The following MARCHF1 variants were observed in gnomAD, a reference collection of about 807,000 sequenced individuals.
MARCHF1 encodes E3 ubiquitin-protein ligase MARCHF1.
MARCHF1 carries 40 observed loss-of-function variants against 54.2 expected under a neutral mutation model. The ratio of observed to expected loss-of-function variants is 0.74; its 90% CI spans 0.57 to 0.96. MARCHF1 has a LOEUF of 0.96. Among genes scored for constraint, MARCHF1 ranks in the 40% least tolerant of loss-of-function variants. MARCHF1 has a pLI of 0.00. For missense variants in MARCHF1, 586 were observed against 656.5 expected (o/e 0.89, Z 1.17); for synonymous variants, 236 against 236.3 (o/e 1.00, Z 0.01).
intron 1 of MARCHF1, among the ~76,000 whole-genome samples, chr4:164,357,860 T>A (rs1369918204): frequency 6.6e-6 from 1 of 152,062 alleles, no homozygotes; most frequent in African/African-American, 2.4e-5. Flanking sequence ...TAAGAAATAA[T>A]TTTTCCCTAA....
chr4:164,029,895 CA>C (rs1262793342), intron 2 of MARCHF1, among the ~76,000 whole-genome samples: 1 of 152,154 alleles, frequency 6.6e-6, no homozygotes, highest in African/African-American at 2.4e-5. Context: ...ATACCCGGCC[CA>C]GGATTTTAGC....
chr4:163,839,651 A>T (rs1334130844), intron 4 of MARCHF1, among the ~76,000 whole-genome samples: 1 of 152,140 alleles, frequency 6.6e-6, no homozygotes, highest in Non-Finnish European at 1.5e-5. Flanking sequence ...TAGATTAGAC[A>T]CATCTACAGA....
chr4:164,310,964 C>T (rs550192813), intron 1 of MARCHF1, among the ~76,000 whole-genome samples: 22 of 152,218 alleles, frequency 1.4e-4, no homozygotes, highest in East Asian at 9.7e-4. Context: ...ATTGTGTGCT[C>T]CAACTTGCCA....
At chr4:163,975,317 A>G (rs939568201) in intron 3 of MARCHF1, among the ~76,000 whole-genome samples, 2 of 152,062 alleles carry the variant, frequency 1.3e-5, no homozygotes, top group African/African-American at 4.8e-5. Flanking sequence ...AAGAGTGAGC[A>G]TTGTTAATAG....
chr4:163,584,944 A>G (rs1268212588), intron 8 of MARCHF1: 1 of 152,232 alleles, frequency 6.6e-6, no homozygotes, highest in Non-Finnish European at 1.5e-5. Flanking sequence ...CAGTTAGGCA[A>G]AAAGATAAAT....
chr4:164,001,591 T>A (rs543423062), intron 2 of MARCHF1, among the ~76,000 whole-genome samples: 1 of 152,006 alleles, frequency 6.6e-6, no homozygotes, highest in East Asian at 1.9e-4. Context: ...ACATGATTCC[T>A]GAAAGTGGGA....
chr4:163,740,728 A>G (rs1746169438), intron 4 of MARCHF1, among the ~76,000 whole-genome samples: 1 of 152,258 alleles, frequency 6.6e-6, no homozygotes, highest in South Asian at 2.1e-4. Context: ...GCAGGAATGT[A>G]AAAGATTCAT....
At chr4:163,776,602 T>C (rs1747312294) in intron 4 of MARCHF1, among the ~76,000 whole-genome samples, 1 of 152,140 alleles carries the variant, frequency 6.6e-6, no homozygotes, top group Admixed American at 6.6e-5. Flanking sequence ...ATATACAAGA[T>C]AGTAATACTT....
chr4:163,933,012 A>G, intron 3 of MARCHF1: 1 of 1,152,284 alleles, frequency 8.7e-7, no homozygotes. Context: ...CACACATCCA[A>G]TCTGCCTGGG....
At chr4:164,261,341 A>G (rs191339509) in intron 1 of MARCHF1, among the ~76,000 whole-genome samples, 1 of 152,244 alleles carries the variant, frequency 6.6e-6, no homozygotes, top group Admixed American at 6.5e-5. Flanking sequence ...CAATTTCCAT[A>G]TGAAGAAACT....
At chr4:164,350,621 T>C (rs1423942209) in intron 1 of MARCHF1, among the ~76,000 whole-genome samples, 1 of 152,186 alleles carries the variant, frequency 6.6e-6, no homozygotes, top group African/African-American at 2.4e-5. Context: ...CCCATAAATA[T>C]GTACAATTAT....
chr4:163,879,297 A>G (rs1451258644), intron 3 of MARCHF1, among the ~76,000 whole-genome samples: 3 of 152,198 alleles, frequency 2.0e-5, no homozygotes, highest in Non-Finnish European at 4.4e-5. Context: ...GAACATCAGC[A>G]TGGCTGCCAA....
chr4:163,894,683 T>G (rs1451756918), intron 3 of MARCHF1, among the ~76,000 whole-genome samples: 1 of 66,200 alleles, frequency 1.5e-5, no homozygotes, highest in Non-Finnish European at 3.1e-5. Flanking sequence ...TATATATGCA[T>G]GTGATGCATA....
chr4:163,991,232 TAATC>T (rs1454229160), intron 2 of MARCHF1, among the ~76,000 whole-genome samples: 1 of 152,204 alleles, frequency 6.6e-6, no homozygotes, highest in African/African-American at 2.4e-5. Flanking sequence ...GAAAAATTAA[TAATC>T]AGTCTGTTTA....
At chr4:164,351,963 T>A (rs1438418898) in intron 1 of MARCHF1, among the ~76,000 whole-genome samples, 14 of 146,446 alleles carry the variant, frequency 9.6e-5, no homozygotes, top group Non-Finnish European at 1.5e-4. Context: ...ACGTGAAGAA[T>A]GCAGAAGCCT....
chr4:163,533,434 C>T (rs1052592415), intron 9 of MARCHF1, among the ~76,000 whole-genome samples: 1 of 151,758 alleles, frequency 6.6e-6, no homozygotes, highest in Non-Finnish European at 1.5e-5. Context: ...GGACACAGGA[C>T]GTTACACGTT....
chr4:164,192,516 A>C (rs1425697663), intron 1 of MARCHF1, among the ~76,000 whole-genome samples: 2 of 152,186 alleles, frequency 1.3e-5, no homozygotes, highest in Admixed American at 1.3e-4. Flanking sequence ...TCATTCAACA[A>C]GTATTAACTG....
At chr4:164,287,588 A>T (rs1734183900) in intron 1 of MARCHF1, among the ~76,000 whole-genome samples, 1 of 151,548 alleles carries the variant, frequency 6.6e-6, no homozygotes, top group African/African-American at 2.4e-5. Context: ...ATTTAAATGA[A>T]AAGTAACCCT....
chr4:164,101,959 T>A (rs1405738453), intron 2 of MARCHF1, among the ~76,000 whole-genome samples: 1 of 142,592 alleles, frequency 7.0e-6, no homozygotes, highest in Non-Finnish European at 1.5e-5. Flanking sequence ...GAGAACTACG[T>A]GAAGAATGCA....
Sources: gnomAD v4.1 joint callset for allele counts (sites outside exome capture counted in the v4.1 genomes callset) on GRCh38, gnomAD v4.1.1 for gene constraint, MANE v1.5 for transcripts, NCBI Gene and HGNC (gene_info 2026-07-23, HGNC 2026-07-21) for gene names.